The following TRAF5 variants were observed in gnomAD, a reference collection of about 807,000 sequenced individuals.
The protein encoded by TRAF5 is TNF receptor-associated factor 5.
A neutral mutation model predicts 64.5 loss-of-function variants in TRAF5; 48 were observed. That is an observed-to-expected ratio of 0.74 (90% confidence interval 0.59 to 0.95). The LOEUF is 0.95. Ranked by LOEUF, TRAF5 falls within the 40% of genes least tolerant of loss-of-function variation. The pLI, the probability that TRAF5 is intolerant of heterozygous loss-of-function variation, is 0.00. For missense variants in TRAF5, 545 were observed against 662.8 expected (o/e 0.82, Z 1.95); for synonymous variants, 206 against 240.5 (o/e 0.86, Z 1.33).
At position 211,372,629 on chromosome 1, in the gene TRAF5, A is replaced by G. The variant is rs933892138; in HGVS notation, c.1601A>G (p.Lys534Arg). The G allele has an allele frequency of 9.9e-6, 16 of 1,614,100 alleles. No homozygotes were observed. Among genetic ancestry groups the G allele is most frequent in the African/African-American group, 1.3e-5 (1 of 74,922 alleles). Reference protein sequence around the residue: ...FVAHSVLENAKNAYIKDDTLF... With the variant: ...FVAHSVLENARNAYIKDDTLF... ...GCTCATTCTGTTTTGGAGAATGCCA[A>G]GAACGCCTACATTAAAGATGACACT... The change falls in exon 11 of 11, where the codon AAG becomes AGG. Residue 534 changes from lysine to arginine, a missense_variant. Transcript: ENST00000261464.
rs1166162015 is a variant in TRAF5, at chr1:211,373,517, C to G, written c.*815C>G. ...AAATATATATATACACACACACATA[C>G]ATATACACCTATATATGTGTGTATA... On this transcript the variant is annotated 3_prime_UTR_variant, in exon 11 of 11. Transcript: ENST00000261464. The G allele has an allele frequency of 6.6e-6, 1 of 152,054 alleles. No homozygotes were observed. The highest frequency in any genetic ancestry group is 1.5e-5 in the Non-Finnish European group (1 of 68,026). 9.4% of individuals were successfully genotyped at this position (152,054 alleles called of 1,614,324 possible).
chr1:211,365,386 G>T lies in TRAF5; in HGVS notation c.707G>T (p.Arg236Met). 1 of 1,613,518 alleles carries T rather than the reference G, an allele frequency of 6.2e-7. No homozygotes were observed. Among genetic ancestry groups the T allele is most frequent in the Non-Finnish European group, 8.5e-7 (1 of 1,179,782 alleles). ...HYGCAVTDKR[R>M]NLQQHEHSAL... ...CTCTTCATATTGAAGGATAAACGGA[G>T]GAACCTGCAGCAACATGAGCATTCA... Residue 236 changes from arginine (R) to methionine (M), a missense_variant, in exon 8 of 11, where the codon AGG (arginine) becomes ATG (methionine). Transcript: ENST00000261464.
chr1:211,354,605 C>T, intron 3 of TRAF5, 138 bp downstream of exon 3: 2 of 826,092 alleles, frequency 2.4e-6, no homozygotes, highest in Non-Finnish European at 3.8e-6. Context: ...TGTGGGGTCA[C>T]ATCAGACCCT....
Position 211,351,315 on chromosome 1 carries a change from T to G in TRAF5, c.-1-1924T>G, listed in dbSNP as rs776744943. ...TGCTGGGATTATAGGCATGAGCCAC[T>G]GCGTCCAGCCTTCTCTGGCCTCTTC... On this transcript the variant is annotated intron_variant, in intron 1 of 10. Coordinates refer to ENST00000261464, the MANE Select transcript of TRAF5 (RefSeq NM_001033910.3). Among the ~76,000 whole-genome samples the G allele has an allele frequency of 2.0e-5, 3 of 152,164 alleles. No individual in the cohort carries two copies. The East Asian group carries it at 5.8e-4, about 29-fold the overall frequency.
intron 8 of TRAF5, among the ~76,000 whole-genome samples, chr1:211,366,005 A>G (rs780052832): frequency 9.9e-5 from 15 of 152,200 alleles, no homozygotes; most frequent in Non-Finnish European, 1.6e-4. Context: ...TATTTCACTG[A>G]GTTGTGATTA....
chr1:211,365,233 G>A, intron 7 of TRAF5, 143 bp from the exon 8 acceptor site: 1 of 613,502 alleles, frequency 1.6e-6, no homozygotes, highest in Non-Finnish European at 2.7e-6. Flanking sequence ...CATTTTTCCT[G>A]CAACCCACCT....
intron 1 of TRAF5, among the ~76,000 whole-genome samples, chr1:211,334,356 G>A (rs1396310308): frequency 2.0e-5 from 3 of 152,182 alleles, no homozygotes; most frequent in Non-Finnish European, 2.9e-5. Flanking sequence ...AGAAAAACAG[G>A]TGTTCCACAT....
chr1:211,362,196 CAAAAT>C (rs1431801074), intron 7 of TRAF5, among the ~76,000 whole-genome samples: 3 of 152,068 alleles, frequency 2.0e-5, no homozygotes, highest in African/African-American at 4.8e-5. Flanking sequence ...ATGAATTACA[CAAAAT>C]AAAAATAAAA....
intron 1 of TRAF5, 147 bp from the exon 2 acceptor site, chr1:211,353,092 G>T: frequency 5.0e-6 from 4 of 805,146 alleles, no homozygotes; most frequent in South Asian, 4.9e-5. Flanking sequence ...GTGGCAGGAG[G>T]TTGTCACTGT....
chr1:211,348,479 G>A (rs1057389527), intron 1 of TRAF5, among the ~76,000 whole-genome samples: 5 of 152,032 alleles, frequency 3.3e-5, no homozygotes, highest in African/African-American at 1.2e-4. Context: ...CAGCAAAATT[G>A]AATGGAAGTC....
At chr1:211,336,562 C>A (rs534189226) in intron 1 of TRAF5, among the ~76,000 whole-genome samples, 13 of 152,378 alleles carry the variant, frequency 8.5e-5, no homozygotes, top group African/African-American at 3.1e-4. Context: ...GCGTGCTTAG[C>A]AGGAGAGAGG....
intron 10 of TRAF5, 149 bp downstream of exon 10, chr1:211,371,619 C>CTCTT: frequency 1.1e-6 from 1 of 906,010 alleles, no homozygotes; most frequent in Non-Finnish European, 1.6e-6. Flanking sequence ...TGGTAAGATT[C>CTCTT]TGGCCACTCA....
intron 1 of TRAF5, chr1:211,346,221 T>A (rs1702602707): frequency 3.4e-6 from 1 of 296,596 alleles, no homozygotes; most frequent in Non-Finnish European, 5.0e-6. Flanking sequence ...GTACCAGTTC[T>A]TTGTCGAAAT....
chr1:211,344,661 G>A (rs1702542051), intron 1 of TRAF5, among the ~76,000 whole-genome samples: 1 of 152,248 alleles, frequency 6.6e-6, no homozygotes, highest in African/African-American at 2.4e-5. Context: ...ATCACAGACA[G>A]AAGCTTTGGA....
rs1703389063 is a variant in TRAF5 at position 211,367,397 on chromosome 1, A to C, written c.789+1929A>C. 2.0e-5 allele frequency among the ~76,000 whole-genome samples: 3 copies of C among 152,204 alleles called. No homozygotes were observed. The South Asian group carries it at 6.2e-4, about 31-fold the overall frequency. ...AAACTACCTCATTTCTGTCATCCCC[A>C]GTTTCCTCATTTGTAAATGGGGTTG... On this transcript the variant is annotated intron_variant, in intron 8 of 10. Coordinates refer to ENST00000261464, the MANE Select transcript of TRAF5 (RefSeq NM_001033910.3).
intron 1 of TRAF5, among the ~76,000 whole-genome samples, chr1:211,351,031 CTTTTTT>C (rs11426853): frequency 8.6e-6 from 1 of 116,038 alleles, no homozygotes; most frequent in African/African-American, 3.4e-5. Context: ...CTGGCCTCTT[CTTTTTT>C]TTTTTTTTTT....
chr1:211,326,836 A>G lies in TRAF5; in HGVS notation c.-55A>G, dbSNP rs1558127651. 2.0e-6 allele frequency: 2 copies of G among 984,514 alleles called. No homozygotes were observed. The highest frequency in any genetic ancestry group is 2.4e-6 in the Non-Finnish European group (2 of 829,474). The allele number at this position is 984,514 out of a possible 1,614,324, so 61.0% of individuals were successfully genotyped here. A position where few individuals can be genotyped will look rare whatever the true frequency, so the allele number is the denominator to read the frequency against. On this transcript the variant is annotated 5_prime_UTR_variant, in exon 1 of 11. Coordinates refer to ENST00000261464, the MANE Select transcript of TRAF5 (RefSeq NM_001033910.3). This position sits in a 1 kb window ranked among gnomAD's most constrained non-coding sequence, Gnocchi z 5.0. ...GCCGCCGCCGCCGGCCGCAGCCAGGAGCAGCAGCCGCGCCTGCAGACCGGC... is the reference window on the plus strand; with the variant it reads ...GCCGCCGCCGCCGGCCGCAGCCAGGGGCAGCAGCCGCGCCTGCAGACCGGC...
At chr1:211,355,101 A>T (rs935386050) in intron 3 of TRAF5, among the ~76,000 whole-genome samples, 1 of 151,670 alleles carries the variant, frequency 6.6e-6, no homozygotes, top group African/African-American at 2.4e-5. Context: ...TGAACCTGGG[A>T]GGTGGGGGTT....
intron 7 of TRAF5, among the ~76,000 whole-genome samples, chr1:211,361,692 G>GTTTTTTTTTTTTTTTTTTTTTT (rs71134676): frequency 2.7e-5 from 2 of 75,318 alleles, no homozygotes; most frequent in Non-Finnish European, 2.4e-5. Flanking sequence ...AATTATTCGG[G>GTTTTTTTTTTTTTTTTTTTTTT]TTTTTTTTTT....
Sources: gnomAD v4.1 joint callset for allele counts (sites outside exome capture counted in the v4.1 genomes callset) on GRCh38, gnomAD v4.1.1 for gene constraint, Gnocchi (gnomAD v3.1) non-coding constraint, MANE v1.5 for transcripts, NCBI Gene and HGNC (gene_info 2026-07-23, HGNC 2026-07-21) for gene names.